Variants in TMEM87A observed in about 807,000 individuals in gnomAD.
TMEM87A encodes transmembrane protein 87A, also known as Golgi-pH regulating cation channel.
In TMEM87A, 50 loss-of-function variants were observed where a neutral mutation model predicts 90.0. The ratio of observed to expected loss-of-function variants is 0.56; its 90% confidence interval spans 0.44 to 0.70. TMEM87A has a LOEUF of 0.70. Among genes scored for constraint, TMEM87A ranks in the 30% least tolerant of loss-of-function variants. The pLI, the probability that TMEM87A is intolerant of heterozygous loss-of-function variation, is 0.00. For synonymous variants in TMEM87A, 226 were observed against 226.7 expected, an observed-to-expected ratio of 1.00 and a Z score of 0.03; for missense variants, 577 against 660.5, an observed-to-expected ratio of 0.87 and a Z score of 1.39.
intron 2 of TMEM87A, among the ~76,000 whole-genome samples, chr15:42,268,269 GGA>G (rs1423144365): frequency 6.6e-6 from 1 of 152,128 alleles, no homozygotes; most frequent in African/African-American, 2.4e-5. Flanking sequence ...TGGAAACTGT[GGA>G]TCTATTTTTA....
intron 2 of TMEM87A, among the ~76,000 whole-genome samples, chr15:42,270,544 C>G (rs2051501228): frequency 6.6e-6 from 1 of 152,044 alleles, no homozygotes; most frequent in Non-Finnish European, 1.5e-5. Context: ...TGCAGTAAGC[C>G]AAGATCGTAC....
intron 17 of TMEM87A, among the ~76,000 whole-genome samples, chr15:42,219,329 T>A (rs1248840725): frequency 6.6e-6 from 1 of 152,206 alleles, no homozygotes; most frequent in African/African-American, 2.4e-5. Context: ...TGTTTGCAAA[T>A]GTTTTCTCCC....
intron 19 of TMEM87A, among the ~76,000 whole-genome samples, chr15:42,214,017 A>C (rs2050339358): frequency 6.6e-6 from 1 of 152,234 alleles, no homozygotes; most frequent in Non-Finnish European, 1.5e-5. Flanking sequence ...AAAAATATAC[A>C]AAACATTTTT....
At chr15:42,273,112 C>G (rs972672987) in intron 1 of TMEM87A, 143 bp downstream of exon 1, 16 of 1,032,076 alleles carry the variant, frequency 1.6e-5, no homozygotes, top group Non-Finnish European at 1.7e-5. Context: ...GGAGGTGGGT[C>G]CCAGTTGGCT....
rs2050266956 is a variant in TMEM87A, at chr15:42,210,632, G to C, written c.*1076C>G. The C allele has an allele frequency of 6.6e-6, 1 of 152,572 alleles. No individual in the cohort carries two copies. Among genetic ancestry groups the C allele is most frequent in the African/African-American group, 2.4e-5 (1 of 41,416 alleles). The allele number at this position is 152,572 out of a possible 1,614,324, so 9.5% of individuals were successfully genotyped here. ...GGATAAAACCATTAAAACAGAAATAGAGTGCTTCAAATGAATCCCATCACC... is the reference window on the plus strand; with the variant it reads ...GGATAAAACCATTAAAACAGAAATACAGTGCTTCAAATGAATCCCATCACC... On this transcript the variant is annotated 3_prime_UTR_variant, in exon 20 of 20. Transcript: ENST00000389834.
chr15:42,254,960 T>C (rs961684774), intron 6 of TMEM87A, among the ~76,000 whole-genome samples: 29 of 109,622 alleles, frequency 2.6e-4, no homozygotes, highest in African/African-American at 8.7e-4. Flanking sequence ...ATGTGGGAGG[T>C]CTCCTTTTTT....
In TMEM87A at chr15:42,272,127, C is replaced by T. The variant is rs755854558; in HGVS notation, c.145-4G>A. The T allele has an allele frequency of 6.2e-7, 1 of 1,604,056 alleles. No individual in the cohort carries two copies. The highest frequency in any genetic ancestry group is 1.7e-5 in the Admixed American group (1 of 58,892). ...CAAAACTAAAATAATTTTTCCCCTGCAAACATAAAGGAAAGATAATTAGCC... is the reference window on the plus strand; with the variant it reads ...CAAAACTAAAATAATTTTTCCCCTGTAAACATAAAGGAAAGATAATTAGCC... On this transcript the variant is annotated splice_polypyrimidine_tract_variant and splice_region_variant and intron_variant, in intron 1 of 19. Transcript: ENST00000389834.
chr15:42,233,415 A>C, intron 10 of TMEM87A, 109 bp from the exon 11 acceptor site: 1 of 737,574 alleles, frequency 1.4e-6, no homozygotes, highest in Non-Finnish European at 2.2e-6. Flanking sequence ...TAAAGCAATA[A>C]ATAATATACA....
At chr15:42,264,709 T>TTTTTTTTTA (rs2051366915) in intron 3 of TMEM87A, among the ~76,000 whole-genome samples, 2 of 124,948 alleles carry the variant, frequency 1.6e-5, no homozygotes, top group Non-Finnish European at 3.2e-5. Flanking sequence ...ATTTTTTTTT[T>TTTTTTTTTA]AACTTTTATT....
At chr15:42,220,247 A>C in intron 15 of TMEM87A, 112 bp from the exon 16 acceptor site, 1 of 724,504 alleles carries the variant, frequency 1.4e-6, no homozygotes, top group Non-Finnish European at 2.3e-6. Context: ...TAATTCATTA[A>C]ATCAGTTTAA....
intron 3 of TMEM87A, among the ~76,000 whole-genome samples, chr15:42,264,733 T>C (rs1245487533): frequency 6.7e-6 from 1 of 149,586 alleles, no homozygotes; most frequent in East Asian, 1.9e-4. Flanking sequence ...GGTTCCGGTA[T>C]ACATACGCAA....
chr15:42,228,871 C>A, intron 12 of TMEM87A, 51 bp from the exon 13 acceptor site: 1 of 1,374,188 alleles, frequency 7.3e-7, no homozygotes, highest in Non-Finnish European at 1.0e-6. Context: ...GTAAGCTAGC[C>A]AATTAGTTTT....
chr15:42,230,973 A>C (rs1712418), intron 12 of TMEM87A, among the ~76,000 whole-genome samples: 104,801 of 151,954 alleles, frequency 0.69, 40,011 homozygotes, highest in Non-Finnish European at 0.86. Context: ...AGCTCGGTCC[A>C]CAGTCACCAA....
intron 19 of TMEM87A, among the ~76,000 whole-genome samples, chr15:42,217,321 TA>T (rs1355610371): frequency 1.3e-5 from 2 of 152,178 alleles, no homozygotes. Context: ...ACTAAAAGAT[TA>T]AAAACATAAA....
At chr15:42,234,123 T>A (rs906694095) in intron 10 of TMEM87A, among the ~76,000 whole-genome samples, 2 of 152,112 alleles carry the variant, frequency 1.3e-5, no homozygotes, top group Non-Finnish European at 2.9e-5. Context: ...GATACCACCA[T>A]CAAATCTAAA....
intron 6 of TMEM87A, among the ~76,000 whole-genome samples, chr15:42,244,585 T>G (rs2050936801): frequency 6.6e-6 from 1 of 151,248 alleles, no homozygotes; most frequent in African/African-American, 2.4e-5. Context: ...AATCACCAAT[T>G]CCTAAATCTA....
intron 19 of TMEM87A, among the ~76,000 whole-genome samples, chr15:42,212,562 A>C (rs2050309910): frequency 6.6e-6 from 1 of 152,070 alleles, no homozygotes; most frequent in Non-Finnish European, 1.5e-5. Context: ...TCTGTGTTGG[A>C]CCCTTTATTT....
Position 42,267,948 on chromosome 15 carries a change from T to C in TMEM87A, c.290A>G (p.Lys97Arg). The C allele has an allele frequency of 6.2e-7, 1 of 1,610,988 alleles. No individual in the cohort carries two copies. Among genetic ancestry groups the C allele is most frequent in the Non-Finnish European group, 8.5e-7 (1 of 1,178,336 alleles). ...ADCYNEIYNFKAEEVELYLEK... is the reference protein window; with the variant it reads ...ADCYNEIYNFRAEEVELYLEK... ...ACTCTGTAATTTTATGTTCCTTACC[T>C]TGAAGTTATAGATTTCATTGTAACA... Residue 97 changes from lysine to arginine, a missense_variant and splice_region_variant, in exon 3 of 20, where the codon AAG becomes AGG. By Grantham distance (26) the Lys-to-Arg change is conservative. Coordinates refer to ENST00000389834, the MANE Select transcript of TMEM87A (RefSeq NM_015497.5).
chr15:42,265,235 T>C (rs139240845), intron 3 of TMEM87A, among the ~76,000 whole-genome samples: 1,640 of 152,300 alleles, frequency 0.011, 31 homozygotes, highest in African/African-American at 0.038. Context: ...AGTAATGGGA[T>C]TGCTGGGTCA....
Sources: gnomAD v4.1 joint callset for allele counts (sites outside exome capture counted in the v4.1 genomes callset) on GRCh38, gnomAD v4.1.1 for gene constraint, MANE v1.5 for transcripts, NCBI Gene and HGNC (gene_info 2026-07-23, HGNC 2026-07-21) for gene names.